The following ANO6 variants were observed in gnomAD, a reference collection of about 807,000 sequenced individuals.
The protein encoded by ANO6 is anoctamin 6.
ANO6 carries 106 observed loss-of-function variants against 117.5 expected under a neutral mutation model. The ratio of observed to expected loss-of-function variants is 0.90; its 90% CI spans 0.77 to 1.06. The LOEUF is 1.06. Ranked by LOEUF, ANO6 falls within the 50% of genes least tolerant of loss-of-function variation. The pLI is 0.00. For synonymous variants in ANO6, 367 were observed against 385.1 expected, an observed-to-expected ratio of 0.95 and a Z score of 0.55; for missense variants, 955 against 1,121.1, an observed-to-expected ratio of 0.85 and a Z score of 2.12.
intron 3 of ANO6, among the ~76,000 whole-genome samples, chr12:45,343,132 G>T (rs1463372601): frequency 6.6e-6 from 1 of 152,164 alleles, no homozygotes; most frequent in Non-Finnish European, 1.5e-5. Context: ...CTCCCTAGTG[G>T]ATAGCTAGGG....
chr12:45,386,725 T>C (rs902659620), intron 10 of ANO6, among the ~76,000 whole-genome samples: 2 of 152,200 alleles, frequency 1.3e-5, no homozygotes, highest in African/African-American at 4.8e-5. Flanking sequence ...CCCACCTCCA[T>C]CACACCTTTC....
intron 10 of ANO6, among the ~76,000 whole-genome samples, chr12:45,379,528 T>C (rs1044534111): frequency 2.5e-4 from 38 of 152,292 alleles, no homozygotes; most frequent in African/African-American, 9.1e-4. Flanking sequence ...TTCTCCGCCC[T>C]CCCCTTCCGC....
chr12:45,290,941 A>AT, intron 1 of ANO6, among the ~76,000 whole-genome samples: 1 of 152,218 alleles, frequency 6.6e-6, no homozygotes, highest in Non-Finnish European at 1.5e-5. Flanking sequence ...ACAGATAGAT[A>AT]TATAGACTAA....
intron 2 of ANO6, among the ~76,000 whole-genome samples, chr12:45,317,730 T>C (rs1298738306): frequency 6.6e-6 from 1 of 152,122 alleles, no homozygotes; most frequent in Non-Finnish European, 1.5e-5. Flanking sequence ...TAGTTTACAG[T>C]CCCACCAACT....
At chr12:45,281,376 G>T (rs553243999) in intron 1 of ANO6, among the ~76,000 whole-genome samples, 11 of 152,084 alleles carry the variant, frequency 7.2e-5, no homozygotes, top group Non-Finnish European at 1.5e-4. Flanking sequence ...CCTGTGACTG[G>T]GTAATTTATA....
chr12:45,346,938 T>C, intron 3 of ANO6, 84 bp from the exon 4 acceptor site: 1 of 1,265,352 alleles, frequency 7.9e-7, no homozygotes, highest in Non-Finnish European at 1.2e-6. Context: ...AGTTTGATTT[T>C]GTTATTAATA....
chr12:45,424,681 T>C (rs1943456098), intron 19 of ANO6, among the ~76,000 whole-genome samples: 1 of 152,038 alleles, frequency 6.6e-6, no homozygotes, highest in Admixed American at 6.5e-5. Flanking sequence ...AGCACTCTTG[T>C]AGTGCTGGAG....
At chr12:45,370,913 G>T (rs960923265) in intron 9 of ANO6, among the ~76,000 whole-genome samples, 11 of 152,206 alleles carry the variant, frequency 7.2e-5, no homozygotes, top group Admixed American at 7.2e-4. Context: ...GAGCAACGCA[G>T]GAGACGGGTG....
chr12:45,435,504 G>T (rs905953871), downstream of ANO6, among the ~76,000 whole-genome samples: 4 of 152,166 alleles, frequency 2.6e-5, no homozygotes, highest in Non-Finnish European at 5.9e-5. Flanking sequence ...TGTCATCTGT[G>T]AACCAGAGCC....
chr12:45,354,887 T>A (rs369401828), intron 7 of ANO6, among the ~76,000 whole-genome samples: 1 of 152,194 alleles, frequency 6.6e-6, no homozygotes, highest in Non-Finnish European at 1.5e-5. Flanking sequence ...GGAATAGAGA[T>A]GTGGATGTTT....
intron 2 of ANO6, among the ~76,000 whole-genome samples, chr12:45,317,772 C>T (rs1167767612): frequency 6.6e-6 from 1 of 152,206 alleles, no homozygotes; most frequent in Non-Finnish European, 1.5e-5. Context: ...TCCACATCCA[C>T]TCCAGCACCT....
rs150699916 is a variant in ANO6 at position 45,290,513 on chromosome 12, C to A, written c.71-11501C>A. The stretch of plus-strand genomic sequence containing the variant: ...GCTAAGCCACAACCAGTTGCAAACC[C>A]AGGATAATGTTGAACTGAGAGCCTG... On this transcript the variant is annotated intron_variant, in intron 1 of 19. Transcript: ENST00000320560. Among the ~76,000 whole-genome samples the A allele has an allele frequency of 1.2e-3, 188 of 152,274 alleles. 1 individual carries two copies. Among genetic ancestry groups the A allele is most frequent in the African/African-American group, 4.4e-3 (182 of 41,556 alleles).
chr12:45,243,546 A>AT (rs766546560), intron 1 of ANO6, among the ~76,000 whole-genome samples: 102 of 146,886 alleles, frequency 6.9e-4, no homozygotes, highest in Admixed American at 1.2e-3. Flanking sequence ...TTTGTGAATA[A>AT]TTTTTTTTTT....
intron 1 of ANO6, among the ~76,000 whole-genome samples, chr12:45,287,307 T>C: frequency 6.6e-6 from 1 of 152,170 alleles, no homozygotes; most frequent in East Asian, 1.9e-4. Flanking sequence ...ACCTGTGAGC[T>C]CCGGGGTTCA....
intron 8 of ANO6, among the ~76,000 whole-genome samples, chr12:45,364,412 T>G (rs961285877): frequency 6.6e-6 from 1 of 152,214 alleles, no homozygotes; most frequent in Non-Finnish European, 1.5e-5. Context: ...TCCTTTTTTC[T>G]CTGGGACTTC....
intron 15 of ANO6, among the ~76,000 whole-genome samples, chr12:45,405,198 AC>A (rs1942900366): frequency 6.6e-6 from 1 of 152,202 alleles, no homozygotes; most frequent in Non-Finnish European, 1.5e-5. Flanking sequence ...CATAAATAGT[AC>A]TGTGTTTCTA....
chr12:45,393,989 A>G (rs993929339), intron 12 of ANO6, among the ~76,000 whole-genome samples: 1 of 152,234 alleles, frequency 6.6e-6, no homozygotes, highest in Admixed American at 6.5e-5. Flanking sequence ...AAATTCACAC[A>G]TAACAATATT....
intron 1 of ANO6, among the ~76,000 whole-genome samples, chr12:45,219,583 A>G (rs1947366569): frequency 6.9e-6 from 1 of 145,516 alleles, no homozygotes; most frequent in Admixed American, 7.1e-5. Flanking sequence ...AGCTTAAGTG[A>G]TTATCCTACC....
chr12:45,341,960 G>A (rs1940992068), intron 3 of ANO6, among the ~76,000 whole-genome samples: 1 of 152,116 alleles, frequency 6.6e-6, no homozygotes, highest in Non-Finnish European at 1.5e-5. Context: ...ATCATGCCGA[G>A]TGCTTTATGC....
Sources: gnomAD v4.1 joint callset for allele counts (sites outside exome capture counted in the v4.1 genomes callset) on GRCh38, gnomAD v4.1.1 for gene constraint, MANE v1.5 for transcripts, NCBI Gene and HGNC (gene_info 2026-07-23, HGNC 2026-07-21) for gene names.